The following FAT3 variants were observed in gnomAD, a reference collection of about 807,000 sequenced individuals.
FAT3 encodes the protein protocadherin Fat 3.
Under a neutral mutation model 310.2 loss-of-function variants are expected in FAT3, and 95 were observed. The observed-to-expected ratio is 0.31, with a 90% CI of 0.26 to 0.36. The LOEUF is 0.36. Ranked by LOEUF, FAT3 falls within the 10% of genes least tolerant of loss-of-function variation. FAT3 has a pLI of 1.00. For missense variants in FAT3, 5,408 were observed against 5,715.6 expected (o/e 0.95, Z 1.74); for synonymous variants, 2,314 against 2,192.9 (o/e 1.06, Z -1.54).
intron 2 of FAT3, among the ~76,000 whole-genome samples, chr11:92,386,203 T>C (rs368944490): frequency 6.6e-6 from 1 of 152,226 alleles, no homozygotes; most frequent in African/African-American, 2.4e-5. Flanking sequence ...ACCATTCTTA[T>C]TATTTTGGGT....
At chr11:92,723,468 CT>C (rs1591649829) in intron 4 of FAT3, among the ~76,000 whole-genome samples, 1 of 152,322 alleles carries the variant, frequency 6.6e-6, no homozygotes, top group East Asian at 1.9e-4. Context: ...ATTTTCCTGT[CT>C]TCTTCTGAGA....
At chr11:92,424,660 G>T (rs1169767002) in intron 2 of FAT3, among the ~76,000 whole-genome samples, 1 of 152,136 alleles carries the variant, frequency 6.6e-6, no homozygotes. Flanking sequence ...GAAGGAGGAA[G>T]AACTCTGCAA....
chr11:92,521,860 G>T lies in FAT3; in HGVS notation c.3293-2774G>T, dbSNP rs113644609. ...TTCCCCTGCCTCCCATCCCCTTCTGGTTCTAGAGTCTTTGGTCTTCCTAGT... is the reference window on the plus strand; with the variant it reads ...TTCCCCTGCCTCCCATCCCCTTCTGTTTCTAGAGTCTTTGGTCTTCCTAGT... On this transcript the variant is annotated intron_variant, in intron 2 of 27. Transcript: ENST00000525166. Among the ~76,000 whole-genome samples, 305 of 152,206 alleles carry T rather than the reference G, an allele frequency of 2.0e-3. 1 individual carries two copies. Among genetic ancestry groups the T allele is most frequent in the African/African-American group, 6.9e-3 (285 of 41,544 alleles).
chr11:92,506,541 A>G (rs948031003), intron 2 of FAT3, among the ~76,000 whole-genome samples: 1 of 152,184 alleles, frequency 6.6e-6, no homozygotes, highest in Non-Finnish European at 1.5e-5. Context: ...CAATTTTTAA[A>G]TAGTATGTTA....
At chr11:92,535,807 C>T (rs1172804760) in intron 3 of FAT3, among the ~76,000 whole-genome samples, 2 of 151,186 alleles carry the variant, frequency 1.3e-5, no homozygotes, top group East Asian at 1.9e-4. Context: ...TGGATAACAC[C>T]ATCATTTCTT....
intron 3 of FAT3, among the ~76,000 whole-genome samples, chr11:92,666,229 A>G (rs1942944506): frequency 6.6e-6 from 1 of 152,234 alleles, no homozygotes. Flanking sequence ...AGAGGAGTCA[A>G]GATAAAACAT....
rs748287739 is a variant in FAT3 at position 92,867,090 on chromosome 11, G to A, written c.12008G>A (p.Ser4003Asn). Residue 4003 changes from serine (S) to asparagine (N), a missense_variant, in exon 22 of 28, where the codon AGC becomes AAC. Around this residue, in one of 5 missense-constraint regions of FAT3, gnomAD observed 4,588 missense variants for 4,809.8 expected, o/e 0.95. Transcript: ENST00000525166. ...NNELPLQNKR[S>N]SFAEVVGLTE... ...GAGCTGCCGCTGCAGAACAAGCGCA[G>A]CAGCTTCGCGGAGGTGGTGGGCCTG... The A allele has an allele frequency of 6.3e-7, 1 of 1,597,066 alleles. No individual in the cohort carries two copies. The highest frequency in any genetic ancestry group is 1.7e-5 in the Admixed American group (1 of 57,388).
intron 14 of FAT3, 108 bp downstream of exon 14, chr11:92,832,119 C>T: frequency 1.6e-6 from 2 of 1,270,736 alleles, no homozygotes; most frequent in Non-Finnish European, 1.1e-6. Context: ...TCGAGTGAGT[C>T]CAGGAGTTCA....
At chr11:92,293,013 AAAGGAAGGAAGGAAGGAAGG>A (rs71477581) in intron 1 of FAT3, among the ~76,000 whole-genome samples, 19,132 of 110,304 alleles carry the variant, frequency 0.17, 1,924 homozygotes, top group Non-Finnish European at 0.21. Context: ...GAGACTCTGC[AAAGGAAGGAAGGAAGGAAGG>A]AAGGAAGGAA....
intron 13 of FAT3, among the ~76,000 whole-genome samples, chr11:92,824,279 C>T (rs1472163011): frequency 6.6e-6 from 1 of 152,074 alleles, no homozygotes; most frequent in Non-Finnish European, 1.5e-5. Context: ...AACGCTTGAA[C>T]CCAGGAGGCA....
chr11:92,703,448 G>A (rs1471641181), intron 4 of FAT3, among the ~76,000 whole-genome samples: 2 of 152,142 alleles, frequency 1.3e-5, no homozygotes, highest in East Asian at 1.9e-4. Context: ...TCTACAGGAA[G>A]TATCCATGGG....
rs775346212 is a variant in FAT3 at position 92,762,059 on chromosome 11, C to T, written c.3873C>T (p.Ile1291=). The T allele has an allele frequency of 6.2e-7, 1 of 1,613,990 alleles. No homozygotes were observed. The highest frequency in any genetic ancestry group is 1.7e-5 in the Admixed American group (1 of 60,026). ...GAGATGAGGGCCCCAACGCAGAAAT[C>T]TCCTACAGTATTGTGGATGGGAATG... ...FDRDEGPNAE[I]SYSIVDGNDD... Residue 1291 remains isoleucine (I), a synonymous_variant, in exon 5 of 28, where the codon ATC becomes ATT. Coordinates refer to ENST00000525166, the MANE Select transcript of FAT3 (RefSeq NM_001367949.2).
chr11:92,336,215 G>A (rs1354436198), intron 1 of FAT3: 5 of 568,350 alleles, frequency 8.8e-6, no homozygotes, highest in South Asian at 2.8e-5. Context: ...CAATGGAGAC[G>A]CCAAAGAAGA....
In FAT3 at chr11:92,844,610, G is replaced by A; in HGVS notation, c.11243G>A (p.Cys3748Tyr). 6.2e-7 allele frequency: 1 copy of A among 1,613,606 alleles called. No homozygotes were observed. Among genetic ancestry groups the A allele is most frequent in the Non-Finnish European group, 8.5e-7 (1 of 1,179,772 alleles). Residue 3748 changes from cysteine (C) to tyrosine (Y), a missense_variant, in exon 19 of 28, where the codon TGT becomes TAT. Transcript: ENST00000525166. ...ILEKNCSGLD[C>Y]QEQHCEQGLS... ...GAGAAGAACTGCTCAGGGCTGGACT[G>A]TCAGGAACAGCATTGTGAGCAAGGC...
At chr11:92,389,645 T>C (rs1565278887) in intron 2 of FAT3, among the ~76,000 whole-genome samples, 1 of 152,200 alleles carries the variant, frequency 6.6e-6, no homozygotes, top group Non-Finnish European at 1.5e-5. Flanking sequence ...TGGATGTGGC[T>C]TATTTTTGGT....
At chr11:92,298,103 T>C (rs1166595533) in intron 1 of FAT3, among the ~76,000 whole-genome samples, 1 of 152,006 alleles carries the variant, frequency 6.6e-6, no homozygotes, top group African/African-American at 2.4e-5. Flanking sequence ...TGGAGATGGG[T>C]AATTGGAAAT....
chr11:92,675,206 A>T (rs1429809798), intron 3 of FAT3, among the ~76,000 whole-genome samples: 1 of 152,226 alleles, frequency 6.6e-6, no homozygotes, highest in Non-Finnish European at 1.5e-5. Flanking sequence ...AAGCCAAACT[A>T]ACAGTGAGAA....
intron 3 of FAT3, among the ~76,000 whole-genome samples, chr11:92,596,751 A>C (rs1224596978): frequency 6.6e-6 from 1 of 152,156 alleles, no homozygotes; most frequent in Non-Finnish European, 1.5e-5. Flanking sequence ...TCATAGTACC[A>C]CCAAGTGCTG....
At chr11:92,856,421 G>T (rs1948981095) in intron 19 of FAT3, among the ~76,000 whole-genome samples, 1 of 152,160 alleles carries the variant, frequency 6.6e-6, no homozygotes, top group Non-Finnish European at 1.5e-5. Flanking sequence ...AGGACCTTTG[G>T]AAAATGTGCT....
Sources: gnomAD v4.1 joint callset for allele counts (sites outside exome capture counted in the v4.1 genomes callset) on GRCh38, gnomAD v4.1.1 for gene constraint, gnomAD v4.1.1 regional missense constraint, MANE v1.5 for transcripts, NCBI Gene and HGNC (gene_info 2026-07-23, HGNC 2026-07-21) for gene names.